Variants in FRMD4A observed in about 807,000 individuals in gnomAD.
FRMD4A encodes the protein FERM domain-containing protein 4A.
Under a neutral mutation model 129.1 loss-of-function variants are expected in FRMD4A, and 29 were observed. The observed-to-expected ratio is 0.22, with a 90% CI of 0.17 to 0.31. The LOEUF (loss-of-function observed/expected upper bound fraction) is 0.31, where lower values mean the gene tolerates loss of function less well. FRMD4A is among the 10% of genes least tolerant of loss of function. The probability of loss-of-function intolerance (pLI) is 1.00; values close to 1 mark genes in which losing one functional copy is unlikely to be tolerated. For synonymous variants in FRMD4A, 634 were observed against 571.6 expected (o/e 1.11, Z -1.56); for missense variants, 1,272 against 1,375.8 (o/e 0.92, Z 1.19).
chr10:14,149,825 C>T (rs756430623), intron 2 of FRMD4A, among the ~76,000 whole-genome samples: 5 of 152,314 alleles, frequency 3.3e-5, no homozygotes, highest in Non-Finnish European at 2.9e-5. Flanking sequence ...CACCTCATCC[C>T]GGCCAGCTCT....
chr10:14,169,999 C>T (rs1185258034), intron 2 of FRMD4A, among the ~76,000 whole-genome samples: 1 of 152,098 alleles, frequency 6.6e-6, no homozygotes, highest in East Asian at 1.9e-4. Flanking sequence ...CAAGGTGGAA[C>T]ACAGTGGATC....
intron 2 of FRMD4A, among the ~76,000 whole-genome samples, chr10:13,910,472 T>C (rs2094929340): frequency 1.3e-5 from 2 of 152,342 alleles, no homozygotes; most frequent in Non-Finnish European, 2.9e-5. Flanking sequence ...TACCAACATA[T>C]GCAATCATGA....
chr10:13,892,215 C>A (rs925907321), intron 2 of FRMD4A, among the ~76,000 whole-genome samples: 3 of 152,228 alleles, frequency 2.0e-5, no homozygotes, highest in African/African-American at 7.2e-5. Context: ...CAAAACCCAC[C>A]CAAAGCCACC....
intron 11 of FRMD4A, among the ~76,000 whole-genome samples, chr10:13,738,913 G>A (rs11258566): frequency 0.27 from 41,390 of 151,914 alleles, 5,906 homozygotes; most frequent in African/African-American, 0.32. Flanking sequence ...GAGCCACTGC[G>A]CCTGCCCCCA....
intron 5 of FRMD4A, among the ~76,000 whole-genome samples, chr10:13,794,902 T>C (rs571912497): frequency 3.3e-5 from 5 of 152,240 alleles, no homozygotes; most frequent in Non-Finnish European, 7.3e-5. Flanking sequence ...TACCTGCTTT[T>C]ATGCATAGAA....
intron 2 of FRMD4A, among the ~76,000 whole-genome samples, chr10:13,862,938 GTT>G (rs34188957): frequency 4.8e-5 from 7 of 144,598 alleles, no homozygotes; most frequent in African/African-American, 7.6e-5. Context: ...GTTCTGTTTT[GTT>G]TTTTTTTTTG....
At chr10:13,922,241 C>T (rs1256445926) in intron 2 of FRMD4A, among the ~76,000 whole-genome samples, 1 of 151,840 alleles carries the variant, frequency 6.6e-6, no homozygotes, top group Non-Finnish European at 1.5e-5. Context: ...AGCCCCAGCT[C>T]ATGATGACAG....
intron 2 of FRMD4A, among the ~76,000 whole-genome samples, chr10:14,093,635 G>A (rs999708439): frequency 9.9e-5 from 15 of 152,114 alleles, no homozygotes; most frequent in Admixed American, 9.8e-4. Context: ...ATATGTTTAT[G>A]GACAATAAAC....
In FRMD4A at chr10:13,830,663, A is replaced by G. The variant is rs146507219; in HGVS notation, c.112-19755T>C. Among the ~76,000 whole-genome samples the G allele has an allele frequency of 5.2e-3, 793 of 152,348 alleles. 10 individuals are homozygous for G. Among genetic ancestry groups the G allele is most frequent in the African/African-American group, 0.017 (718 of 41,588 alleles). ...AAGGCTTTATGGGAGGCCTTGCCCT[A>G]CTTACCAGAGAAAGCAAAGCGGGAG... On this transcript the variant is annotated intron_variant, in intron 3 of 24. Transcript: ENST00000357447.
At chr10:13,659,227 CTG>C in intron 21 of FRMD4A, 94 bp downstream of exon 21, 1 of 1,093,044 alleles carries the variant, frequency 9.1e-7, no homozygotes, top group Non-Finnish European at 1.4e-6. Context: ...TCAGGTCTGA[CTG>C]TAGCTCATCC....
chr10:14,195,568 A>G (rs1457666497), intron 2 of FRMD4A, among the ~76,000 whole-genome samples: 1 of 152,184 alleles, frequency 6.6e-6, no homozygotes, highest in Non-Finnish European at 1.5e-5. Flanking sequence ...TAACAAATAA[A>G]CTTGCTCAGT....
chr10:13,757,954 G>C (rs1461681472), intron 8 of FRMD4A, among the ~76,000 whole-genome samples: 1 of 152,168 alleles, frequency 6.6e-6, no homozygotes, highest in Non-Finnish European at 1.5e-5. Context: ...ATGTTGGCCA[G>C]GCTGGTCTTG....
At position 14,168,941 on chromosome 10, in the gene FRMD4A, G is replaced by A. The variant is rs146526811; in HGVS notation, c.45+161117C>T. Among the ~76,000 whole-genome samples, 118 of 135,204 alleles carry A rather than the reference G, an allele frequency of 8.7e-4. 1 individual carries two copies. Among genetic ancestry groups the A allele is most frequent in the Admixed American group, 2.7e-3 (35 of 12,784 alleles). The allele number at this position is 135,204 out of a possible 152,430, so 88.7% of individuals were successfully genotyped here. A position where few individuals can be genotyped will look rare whatever the true frequency, so the allele number is the denominator to read the frequency against. ...TCCTGTAGCCCTCAACAGTCTTCCC[G>A]TAATTCACAGATGCCTTGAAGGGGG... On this transcript the variant is annotated intron_variant, in intron 2 of 24. Coordinates refer to ENST00000357447, the MANE Select transcript of FRMD4A (RefSeq NM_018027.5).
At chr10:13,915,685 A>G (rs1376560794) in intron 2 of FRMD4A, among the ~76,000 whole-genome samples, 1 of 151,282 alleles carries the variant, frequency 6.6e-6, no homozygotes, top group Non-Finnish European at 1.5e-5. Context: ...AAAAAAAAAA[A>G]AGTGGGCAGA....
At chr10:13,939,837 G>A (rs559662903) in intron 2 of FRMD4A, among the ~76,000 whole-genome samples, 6 of 152,244 alleles carry the variant, frequency 3.9e-5, no homozygotes, top group African/African-American at 7.2e-5. Flanking sequence ...CAGCAAAAAG[G>A]TTTTCCCATC....
At chr10:14,054,099 A>G (rs997951929) in intron 2 of FRMD4A, among the ~76,000 whole-genome samples, 2 of 152,040 alleles carry the variant, frequency 1.3e-5, no homozygotes, top group African/African-American at 4.8e-5. Flanking sequence ...AAGGAATTTG[A>G]GGCTGCAGTG....
intron 16 of FRMD4A, among the ~76,000 whole-genome samples, chr10:13,672,190 G>A (rs1045678715): frequency 3.9e-5 from 6 of 152,130 alleles, no homozygotes; most frequent in East Asian, 3.8e-4. Context: ...TCAGATTGCC[G>A]GGAAATGACC....
chr10:13,657,500 G>A lies in FRMD4A; in HGVS notation c.2089C>T (p.Arg697Ter), dbSNP rs780832289. ...STRSVDISPT[R>*]LHSLALHFRH... is the part of the protein sequence containing the mutation. ...AAGTGCAGTGCGAGGCTGTGCAGTC[G>A]GGTGGGGCTGATGTCCACCGACCTG... The change falls in exon 22 of 25, where the codon CGA (arginine) becomes TGA (stop). Residue 697 changes from arginine (R) to a stop codon, truncating the protein, a stop_gained. Coordinates refer to ENST00000357447, the MANE Select transcript of FRMD4A (RefSeq NM_018027.5). LOFTEE classifies it high-confidence loss of function. The A allele has an allele frequency of 6.2e-7, 1 of 1,600,944 alleles. No homozygotes were observed. Among genetic ancestry groups the A allele is most frequent in the Admixed American group, 1.7e-5 (1 of 59,554 alleles).
intron 2 of FRMD4A, among the ~76,000 whole-genome samples, chr10:13,865,803 T>G (rs2094359766): frequency 6.6e-6 from 1 of 152,038 alleles, no homozygotes; most frequent in African/African-American, 2.4e-5. Context: ...AAAACATGTG[T>G]TTTTTAAAAC....
Sources: allele counts gnomAD v4.1 joint callset (sites outside exome capture counted in the v4.1 genomes callset), GRCh38; gene constraint gnomAD v4.1.1; transcripts MANE v1.5; gene names NCBI Gene and HGNC (gene_info 2026-07-23, HGNC 2026-07-21).